Variants in SYNE2 observed in about 807,000 individuals in gnomAD.
SYNE2 encodes nesprin-2.
A neutral mutation model predicts 856.3 loss-of-function variants in SYNE2; 431 were observed. The observed-to-expected ratio is 0.50, with a 90% CI of 0.47 to 0.55. The LOEUF is 0.55. SYNE2 is among the 20% of genes least tolerant of loss of function. SYNE2 has a pLI of 0.00. For missense variants in SYNE2, 8,129 were observed against 8,023.2 expected (o/e 1.01, Z -0.50); for synonymous variants, 2,923 against 2,872.3 (o/e 1.02, Z -0.56).
intron 2 of SYNE2, among the ~76,000 whole-genome samples, chr14:63,939,627 C>T (rs889946542): frequency 3.3e-5 from 5 of 152,140 alleles, no homozygotes; most frequent in Non-Finnish European, 5.9e-5. Context: ...AGATTACAGG[C>T]GTGAACCACC....
At chr14:64,162,698 T>G in intron 88 of SYNE2, 1 of 286,428 alleles carries the variant, frequency 3.5e-6, no homozygotes, top group South Asian at 3.8e-5. Context: ...AATTTCAGAC[T>G]ACATTAAAGA....
In SYNE2 at chr14:64,022,803, G is replaced by A. The variant is rs1330396370; in HGVS notation, c.5577G>A (p.Lys1859=). The change falls in exon 38 of 116, where the codon AAG becomes AAA. Residue 1859 remains lysine (K), a synonymous_variant. Coordinates refer to ENST00000555002, the MANE Select transcript of SYNE2 (RefSeq NM_182914.3). ...TCAGCAACATTAAAGTGAACCTTAA[G>A]GAGTGTTTTGAATCATCAGAAACAA... ...DWFSNIKVNL[K]ECFESSETKK... The A allele has an allele frequency of 6.2e-7, 1 of 1,612,226 alleles. No homozygotes were observed. Among genetic ancestry groups the A allele is most frequent in the South Asian group, 1.1e-5 (1 of 90,940 alleles).
At chr14:64,152,858 T>G in intron 85 of SYNE2, 142 bp downstream of exon 85, 2 of 1,106,226 alleles carry the variant, frequency 1.8e-6, no homozygotes, top group Non-Finnish European at 2.6e-6. Context: ...TGAAGTAAAT[T>G]AGAAGCATTT....
At chr14:64,205,358 G>GA (rs1047944788) in intron 100 of SYNE2, among the ~76,000 whole-genome samples, 3 of 152,034 alleles carry the variant, frequency 2.0e-5, no homozygotes, top group African/African-American at 7.2e-5. Flanking sequence ...CAAAACACTG[G>GA]AAACAAATGT....
At chr14:63,844,275 A>C (rs1408932881) in intron 1 of SYNE2, among the ~76,000 whole-genome samples, 1 of 152,212 alleles carries the variant, frequency 6.6e-6, no homozygotes, top group Non-Finnish European at 1.5e-5. Context: ...GGAGTCATAC[A>C]GTACGTGGAG....
intron 1 of SYNE2, among the ~76,000 whole-genome samples, chr14:63,792,757 C>A (rs988116413): frequency 6.6e-6 from 1 of 151,920 alleles, no homozygotes; most frequent in African/African-American, 2.4e-5. Context: ...CCTCAACCTC[C>A]CAGGCTCAAG....
Position 64,219,369 on chromosome 14 carries a change from T to A in SYNE2, c.19819T>A (p.Ser6607Thr). ...AATGTTAAAGATGGCAAAGCCTCCC[T>A]CTGATATCCAGGAAATAGAACTGAG... The part of the protein sequence containing the change: ...LEMLKMAKPP[S>T]DIQEIELRVK... The change falls in exon 110 of 116, where the codon TCT (serine) becomes ACT (threonine). Residue 6607 changes from serine to threonine, a missense_variant. Physicochemically the swap from Ser to Thr is moderately conservative, Grantham distance 58 (BLOSUM62 1). Coordinates refer to ENST00000555002, the MANE Select transcript of SYNE2 (RefSeq NM_182914.3). The A allele has an allele frequency of 6.2e-7, 1 of 1,614,132 alleles. No individual in the cohort carries two copies. Among genetic ancestry groups the A allele is most frequent in the Non-Finnish European group, 8.5e-7 (1 of 1,180,038 alleles).
intron 45 of SYNE2, among the ~76,000 whole-genome samples, chr14:64,041,970 C>A (rs2097152102): frequency 6.6e-6 from 1 of 151,956 alleles, no homozygotes; most frequent in Non-Finnish European, 1.5e-5. Context: ...TCAAAGGAAG[C>A]ACACTACTAC....
chr14:64,074,261 C>T (rs2097438480), intron 53 of SYNE2, 125 bp downstream of exon 53: 5 of 936,686 alleles, frequency 5.3e-6, no homozygotes, highest in Admixed American at 1.8e-5. Flanking sequence ...GAGAGAGAGG[C>T]ATAGGCAAAG....
rs761087743 is a variant in SYNE2 at position 63,981,123 on chromosome 14, C to T, written c.1786C>T (p.Arg596Cys). 8 of 1,613,642 alleles carry T rather than the reference C, an allele frequency of 5.0e-6. No homozygotes were observed. Among genetic ancestry groups the T allele is most frequent in the African/African-American group, 2.7e-5 (2 of 74,868 alleles). ...TTGGGCTACTTATGTGGAAAACCTT[C>T]GCTTACTAAGGGCTTGCTTTGAGGA... ...ACWATYVENL[R>C]LLRACFEETK... is the part of the protein sequence containing the mutation. The change falls in exon 16 of 116, where the codon CGC (arginine) becomes TGC (cysteine). Residue 596 changes from arginine to cysteine, a missense_variant. Transcript: ENST00000555002.
intron 1 of SYNE2, among the ~76,000 whole-genome samples, chr14:63,897,428 C>T (rs546818510): frequency 2.0e-5 from 3 of 152,154 alleles, no homozygotes; most frequent in Non-Finnish European, 2.9e-5. Flanking sequence ...CATGAATCAG[C>T]GACAGTTTAT....
intron 64 of SYNE2, among the ~76,000 whole-genome samples, chr14:64,104,488 C>T (rs1197917075): frequency 1.8e-4 from 25 of 142,564 alleles, no homozygotes; most frequent in Admixed American, 1.5e-3. Flanking sequence ...CTCGATCTGT[C>T]GCCCAGGCTG....
At chr14:64,121,742 T>C (rs552520458) in intron 68 of SYNE2, among the ~76,000 whole-genome samples, 1 of 152,354 alleles carries the variant, frequency 6.6e-6, no homozygotes, top group Non-Finnish European at 1.5e-5. Flanking sequence ...CTTCTGTAGT[T>C]GCGACTCTGC....
Position 64,209,489 on chromosome 14 carries a change from T to A in SYNE2, c.18451T>A (p.Trp6151Arg). The A allele has an allele frequency of 6.2e-7, 1 of 1,614,228 alleles. No homozygotes were observed. Among genetic ancestry groups the A allele is most frequent in the Non-Finnish European group, 8.5e-7 (1 of 1,180,034 alleles). The change falls in exon 102 of 116, where the codon TGG becomes AGG. Residue 6151 changes from tryptophan (W) to arginine (R), a missense_variant. Trp to Arg is a moderately radical substitution (Grantham distance 101, BLOSUM62 -3). Around this residue, in one of 3 missense-constraint regions of SYNE2, gnomAD observed 5,410 missense variants for 5,284.8 expected, o/e 1.02. Transcript: ENST00000555002. ...FLDDYSRFED[W>R]LKSAERTAAC... is the part of the protein sequence containing the mutation. ...AGACGACTATTCTCGCTTTGAGGAC[T>A]GGCTCAAGTCAGCTGAGAGGACGGC...
At position 63,982,668 on chromosome 14, in the gene SYNE2, C is replaced by T. The variant is rs372968718; in HGVS notation, c.1875C>T (p.His625=). ...CACTAGCCCAGTGGAATCTAGAACA[C>T]GCTACTTTAAATGAAGCAGGAAATT... ...FETLAQWNLE[H]ATLNEAGNFL... is the part of the protein sequence containing the mutation. The change falls in exon 17 of 116, where the codon CAC becomes CAT. Residue 625 remains histidine (H), a synonymous_variant. Coordinates refer to ENST00000555002, the MANE Select transcript of SYNE2 (RefSeq NM_182914.3). 184 of 1,613,884 alleles carry T rather than the reference C, an allele frequency of 1.1e-4. No individual in the cohort carries two copies. The highest frequency in any genetic ancestry group is 2.5e-4 in the Admixed American group (15 of 59,992).
At chr14:64,215,024 G>A (rs749259889) in intron 106 of SYNE2, among the ~76,000 whole-genome samples, 6 of 152,168 alleles carry the variant, frequency 3.9e-5, no homozygotes, top group Non-Finnish European at 5.9e-5. Context: ...GCAGACATGA[G>A]CCACTGTGCC....
At chr14:63,785,048 A>G (rs147767612) in intron 1 of SYNE2, among the ~76,000 whole-genome samples, 90 of 152,282 alleles carry the variant, frequency 5.9e-4, no homozygotes, top group African/African-American at 1.9e-3. Context: ...AAGGAAAACA[A>G]ACCCTCTTGT....
At chr14:63,819,518 A>G (rs1214550962) in intron 1 of SYNE2, among the ~76,000 whole-genome samples, 3 of 150,988 alleles carry the variant, frequency 2.0e-5, no homozygotes, top group Admixed American at 2.0e-4. Flanking sequence ...GATGTGAGCC[A>G]CCATGCCTGG....
At chr14:64,223,769 C>G (rs1459148466) in intron 113 of SYNE2, among the ~76,000 whole-genome samples, 1 of 152,100 alleles carries the variant, frequency 6.6e-6, no homozygotes, top group Non-Finnish European at 1.5e-5. Context: ...TGGGATCCAA[C>G]TCAAAACAAA....
Sources: allele counts gnomAD v4.1 joint callset (sites outside exome capture counted in the v4.1 genomes callset), GRCh38; gene constraint gnomAD v4.1.1; regional missense constraint gnomAD v4.1.1; transcripts MANE v1.5; gene names NCBI Gene and HGNC (gene_info 2026-07-23, HGNC 2026-07-21).